CD244: variants seen among roughly 807,000 people sequenced by gnomAD.
CD244 encodes the protein CD244 molecule, also known as natural killer cell receptor 2B4.
A neutral mutation model predicts 45.5 loss-of-function variants in CD244; 20 were observed. The observed-to-expected ratio is 0.44, with a 90% CI of 0.31 to 0.64. The LOEUF is 0.64. Among genes scored for constraint, CD244 ranks in the 30% least tolerant of loss-of-function variants. The probability of loss-of-function intolerance (pLI) is 0.08; values close to 1 mark genes in which losing one functional copy is unlikely to be tolerated. For synonymous variants in CD244, 185 were observed against 160.5 expected, an observed-to-expected ratio of 1.15 and a Z score of -1.15; for missense variants, 407 against 426.9, an observed-to-expected ratio of 0.95 and a Z score of 0.41.
At position 160,862,561 on chromosome 1, in the gene CD244, T is replaced by C; in HGVS notation, c.61+56A>G. 7.2e-6 allele frequency: 11 copies of C among 1,520,100 alleles called. No homozygotes were observed. The African/African-American group carries it at 1.4e-4, about 19-fold the overall frequency. The allele number at this position is 1,520,100 out of a possible 1,614,324, so 94.2% of individuals were successfully genotyped here. ...GCAGAGGCTCTGGCTCTGATCTCCC[T>C]GAGGGGCACAGCTCCTAGTCCCTCC... On this transcript the variant is annotated intron_variant, in intron 1 of 8. Transcript: ENST00000368034.
chr1:160,841,191 C>T lies in CD244; in HGVS notation c.655+19G>A. Reference sequence around the variant, plus strand: ...TCCAAACCTTCAGCGCTTGTTATAGCCCAGTGTGTTCCACTTACCCTGATG... The same window carrying T: ...TCCAAACCTTCAGCGCTTGTTATAGTCCAGTGTGTTCCACTTACCCTGATG... On this transcript the variant is annotated intron_variant, in intron 3 of 8. Transcript: ENST00000368034. The T allele has an allele frequency of 2.5e-6, 4 of 1,613,082 alleles. No individual in the cohort carries two copies. The highest frequency in any genetic ancestry group is 3.4e-6 in the Non-Finnish European group (4 of 1,179,172).
At chr1:160,837,508 A>G (rs1408046705) in intron 5 of CD244, among the ~76,000 whole-genome samples, 1 of 151,130 alleles carries the variant, frequency 6.6e-6, no homozygotes, top group Non-Finnish European at 1.5e-5. Context: ...AGATAAAAAT[A>G]AAAAAACAGG....
At chr1:160,835,564 A>AC (rs1304248718) in intron 6 of CD244, among the ~76,000 whole-genome samples, 3 of 152,154 alleles carry the variant, frequency 2.0e-5, no homozygotes, top group Non-Finnish European at 2.9e-5. Flanking sequence ...GTAAGCTATG[A>AC]TTCTACCATT....
chr1:160,860,026 G>A (rs190152987), intron 1 of CD244, among the ~76,000 whole-genome samples: 13 of 151,956 alleles, frequency 8.6e-5, no homozygotes, highest in Admixed American at 6.6e-4. Flanking sequence ...GGCCAACATG[G>A]TGAAACCCTG....
intron 5 of CD244, 70 bp downstream of exon 5, chr1:160,838,381 T>C (rs2101867170): frequency 8.9e-7 from 1 of 1,125,952 alleles, no homozygotes; most frequent in Non-Finnish European, 1.4e-6. Flanking sequence ...CCCTCTGCTC[T>C]GAATAACCAT....
At chr1:160,842,521 A>C (rs12065420) in intron 1 of CD244, among the ~76,000 whole-genome samples, 3,337 of 152,200 alleles carry the variant, frequency 0.022, 111 homozygotes, top group African/African-American at 0.073. Context: ...TGAGGCAACT[A>C]CTAATGGCAA....
At chr1:160,840,744 G>A (rs768545368) in intron 3 of CD244, among the ~76,000 whole-genome samples, 56 of 152,114 alleles carry the variant, frequency 3.7e-4, no homozygotes, top group Non-Finnish European at 4.3e-4. Context: ...CTTAGGATGA[G>A]CATAAGCAAC....
rs118047257 is a variant in CD244, at chr1:160,850,166, A to G, written c.62-8265T>C. On this transcript the variant is annotated intron_variant, in intron 1 of 8. Transcript: ENST00000368034. ...AGGTCAATATACAAAAATCATTTTT[A>G]TTTCTATATATTAGTACAAACAGAT... Among the ~76,000 whole-genome samples, 587 of 152,324 alleles carry G rather than the reference A, an allele frequency of 3.9e-3. 21 individuals carry two copies. In the East Asian group the frequency reaches 0.073, roughly 19 times the overall value.
In CD244 at chr1:160,836,199, G is replaced by A. The variant is rs1669324704; in HGVS notation, c.890C>T (p.Ser297Phe). 2.5e-6 allele frequency: 4 copies of A among 1,613,122 alleles called. No individual in the cohort carries two copies. Among genetic ancestry groups the A allele is most frequent in the Middle Eastern group, 1.6e-4 (1 of 6,062 alleles). ...GGSTIYSMIQ[S>F]QSSAPTSQEP... ...CTAGAGAAACTGGAGAGGTACCTGG[G>A]ACTGGATCATAGAGTAGATGGTGCT... Residue 297 changes from serine (S) to phenylalanine (F), a missense_variant, in exon 6 of 9, where the codon TCC becomes TTC. Transcript: ENST00000368034.
At position 160,855,395 on chromosome 1, in the gene CD244, T is replaced by C. The variant is rs534040010; in HGVS notation, c.61+7222A>G. Among the ~76,000 whole-genome samples, 43 of 152,174 alleles carry C rather than the reference T, an allele frequency of 2.8e-4. No individual in the cohort carries two copies. In the South Asian group the frequency reaches 3.5e-3, roughly 12 times the overall value. Reference sequence around the variant, plus strand: ...CAGTCCAGTGTGGGAAGGAGGAAGATGGTTGGAATGAGTTTCCATGGACGG... The same window carrying C: ...CAGTCCAGTGTGGGAAGGAGGAAGACGGTTGGAATGAGTTTCCATGGACGG... On this transcript the variant is annotated intron_variant, in intron 1 of 8. Coordinates refer to ENST00000368034, the MANE Select transcript of CD244 (RefSeq NM_016382.4).
At chr1:160,847,686 G>A (rs1669782334) in intron 1 of CD244, among the ~76,000 whole-genome samples, 1 of 152,098 alleles carries the variant, frequency 6.6e-6, no homozygotes, top group Non-Finnish European at 1.5e-5. Context: ...ATATAGCTAA[G>A]GCAGTGTTTA....
intron 1 of CD244, among the ~76,000 whole-genome samples, chr1:160,846,754 G>A (rs1349892777): frequency 6.6e-6 from 1 of 152,170 alleles, no homozygotes; most frequent in Admixed American, 6.5e-5. Context: ...AAAAAGGCCT[G>A]CAGTAAAGGA....
chr1:160,847,514 C>T (rs1233614517), intron 1 of CD244, among the ~76,000 whole-genome samples: 1 of 152,170 alleles, frequency 6.6e-6, no homozygotes, highest in Non-Finnish European at 1.5e-5. Flanking sequence ...CCTCTAAGCA[C>T]AGTAGAATTA....
intron 1 of CD244, among the ~76,000 whole-genome samples, chr1:160,856,467 G>A (rs368271179): frequency 6.6e-6 from 1 of 152,082 alleles, no homozygotes; most frequent in African/African-American, 2.4e-5. Flanking sequence ...TGTTTCCTCT[G>A]CTTCAATTGT....
At chr1:160,861,615 T>C (rs1436386486) in intron 1 of CD244, among the ~76,000 whole-genome samples, 2 of 152,094 alleles carry the variant, frequency 1.3e-5, no homozygotes, top group Admixed American at 6.5e-5. Context: ...GGTGGGCAGA[T>C]CACCTGAGGT....
chr1:160,841,973 G>A, intron 1 of CD244, 72 bp from the exon 2 acceptor site: 1 of 1,355,322 alleles, frequency 7.4e-7, no homozygotes, highest in Non-Finnish European at 1.0e-6. Flanking sequence ...AGCTGGATGT[G>A]ACTTCCCTTA....
intron 1 of CD244, 68 bp downstream of exon 1, chr1:160,862,549 C>T: frequency 2.1e-6 from 3 of 1,429,582 alleles, no homozygotes; most frequent in Admixed American, 1.7e-5. Context: ...GAGGCTCTGG[C>T]TCTGATCTCC....
Position 160,836,359 on chromosome 1 carries a change from T to A in CD244, c.835-105A>T, listed in dbSNP as rs768247653. The A allele has an allele frequency of 8.4e-6, 7 of 831,304 alleles. No individual in the cohort carries two copies. In the East Asian group the frequency reaches 1.8e-4, roughly 22 times the overall value. 51.5% of individuals were successfully genotyped at this position (831,304 alleles called of 1,614,324 possible). ...CAAAGAAGAGGGCTTTTCAGGAGAC[T>A]GGGAGGGAGGTGGCAGGACTGGGGA... On this transcript the variant is annotated intron_variant, in intron 5 of 8. Transcript: ENST00000368034.
intron 3 of CD244, among the ~76,000 whole-genome samples, chr1:160,840,011 A>G (rs1669476853): frequency 6.6e-6 from 1 of 152,146 alleles, no homozygotes; most frequent in Non-Finnish European, 1.5e-5. Context: ...TGCAAACATT[A>G]TCTCATTTAC....
Sources: allele counts gnomAD v4.1 joint callset (sites outside exome capture counted in the v4.1 genomes callset), GRCh38; gene constraint gnomAD v4.1.1; transcripts MANE v1.5; gene names NCBI Gene and HGNC (gene_info 2026-07-23, HGNC 2026-07-21).